Variants in SOX6 observed in about 807,000 individuals in gnomAD.
SOX6 encodes SRY-box transcription factor 6.
A neutral mutation model predicts 97.8 loss-of-function variants in SOX6; 11 were observed. The observed-to-expected ratio is 0.11, with a 90% confidence interval of 0.07 to 0.19. The LOEUF is 0.19. Among genes scored for constraint, SOX6 ranks in the 10% least tolerant of loss-of-function variants. SOX6 has a pLI of 1.00. For missense variants in SOX6, 810 were observed against 1,039.5 expected, an observed-to-expected ratio of 0.78 and a Z score of 3.04; for synonymous variants, 360 against 371.4, an observed-to-expected ratio of 0.97 and a Z score of 0.35.
At chr11:16,081,634 C>T (rs1848474841) in intron 9 of SOX6, among the ~76,000 whole-genome samples, 1 of 152,132 alleles carries the variant, frequency 6.6e-6, no homozygotes, top group African/African-American at 2.4e-5. Context: ...GTTTTTATGC[C>T]TGTTGTGGGT....
At chr11:16,476,233 C>G (rs145016499) in intron 1 of SOX6, 1 of 152,116 alleles carries the variant, frequency 6.6e-6, no homozygotes, top group Non-Finnish European at 1.5e-5. Flanking sequence ...AAAATTCACA[C>G]GCACTAGGAG....
chr11:16,199,065 C>G (rs1851864472), intron 4 of SOX6, among the ~76,000 whole-genome samples: 1 of 152,122 alleles, frequency 6.6e-6, no homozygotes, highest in Admixed American at 6.5e-5. Context: ...GAACTAATAA[C>G]CAACTCTAAA....
At chr11:16,675,832 A>G (rs1847880246) in intron 3 of SOX6, among the ~76,000 whole-genome samples, 1 of 152,200 alleles carries the variant, frequency 6.6e-6, no homozygotes, top group Non-Finnish European at 1.5e-5. Flanking sequence ...GCTCTCTTGT[A>G]CATAAGTCAC....
chr11:16,318,572 G>A lies in SOX6; in HGVS notation c.319C>T (p.Arg107Trp), dbSNP rs760064805. ...ACACTGGTCATTATCTCACGGTCCC[G>A]ACTCCCTTCGTCAGGCTTATGTGGT... ...TSPHKPDEGS[R>W]DREIMTSVTF... is the part of the protein sequence containing the mutation. The change falls in exon 3 of 16, where the codon CGG becomes TGG. Residue 107 changes from arginine to tryptophan, a missense_variant. Arg to Trp is a moderately radical substitution (Grantham distance 101). Coordinates refer to ENST00000683767, the MANE Select transcript of SOX6 (RefSeq NM_001367873.1). The A allele has an allele frequency of 3.7e-6, 6 of 1,613,554 alleles. No homozygotes were observed. The highest frequency in any genetic ancestry group is 3.3e-5 in the Admixed American group (2 of 59,928).
At position 16,046,584 on chromosome 11, in the gene SOX6, T is replaced by C. The variant is rs769151166; in HGVS notation, c.1553A>G (p.Gln518Arg). ...CAGTTTCCCGTCAACACCATGTGGC[T>C]GTTGCTGCTGTTGCTCCCGCTGGAT... ...EQIQREQQQQ[Q>R]PHGVDGKLSS... The change falls in exon 12 of 16, where the codon CAG becomes CGG. Residue 518 changes from glutamine (Q) to arginine (R), a missense_variant. Physicochemically the swap from Gln to Arg is conservative, Grantham distance 43. Around this residue, in one of 9 missense-constraint regions of SOX6, gnomAD observed 120 missense variants for 127.0 expected, o/e 0.94. Coordinates refer to ENST00000683767, the MANE Select transcript of SOX6 (RefSeq NM_001367873.1). 1.6e-5 allele frequency: 26 copies of C among 1,613,770 alleles called. No individual in the cohort carries two copies. In the South Asian group the frequency reaches 2.9e-4, roughly 18 times the overall value.
intron 2 of SOX6, among the ~76,000 whole-genome samples, chr11:16,338,861 C>T (rs370260549): frequency 6.6e-6 from 1 of 151,812 alleles, no homozygotes; most frequent in African/African-American, 2.4e-5. Context: ...AATTTTAGAT[C>T]ATAAAAGTTT....
chr11:16,223,444 C>T (rs1852600403), intron 4 of SOX6, among the ~76,000 whole-genome samples: 1 of 152,098 alleles, frequency 6.6e-6, no homozygotes, highest in African/African-American at 2.4e-5. Flanking sequence ...ACACATTTCA[C>T]TCTCAGATTC....
intron 1 of SOX6, among the ~76,000 whole-genome samples, chr11:16,452,489 T>A (rs1859736968): frequency 1.3e-5 from 2 of 152,226 alleles, no homozygotes. Context: ...AGAAGAATAT[T>A]CTTATCAGGA....
chr11:16,187,608 G>A (rs530039803), intron 4 of SOX6, among the ~76,000 whole-genome samples: 31 of 152,056 alleles, frequency 2.0e-4, no homozygotes, highest in Admixed American at 6.6e-4. Flanking sequence ...CAACAGTGTT[G>A]CTTGGGGGGC....
chr11:16,634,651 A>G (rs1333121316), intron 3 of SOX6, among the ~76,000 whole-genome samples: 2 of 152,258 alleles, frequency 1.3e-5, no homozygotes, highest in Admixed American at 1.3e-4. Context: ...AGTAGCTTAC[A>G]TTTTTCTAGA....
At chr11:16,634,177 G>T (rs1236440819) in intron 3 of SOX6, among the ~76,000 whole-genome samples, 2 of 151,788 alleles carry the variant, frequency 1.3e-5, no homozygotes, top group African/African-American at 4.8e-5. Flanking sequence ...AGAGAAATAG[G>T]AAATACAAAA....
chr11:16,179,418 T>C lies in SOX6; in HGVS notation c.777+4468A>G, dbSNP rs1017509412. ...ACTGTATATGAAAGATAATCATATATGCTTAAGAACAGAGTACAACTTCAG... is the reference window on the plus strand; with the variant it reads ...ACTGTATATGAAAGATAATCATATACGCTTAAGAACAGAGTACAACTTCAG... On this transcript the variant is annotated intron_variant, in intron 6 of 15. Coordinates refer to ENST00000683767, the MANE Select transcript of SOX6 (RefSeq NM_001367873.1). Among the ~76,000 whole-genome samples, 3 of 152,034 alleles carry C rather than the reference T, an allele frequency of 2.0e-5. No homozygotes were observed. The East Asian group carries it at 5.8e-4, about 29-fold the overall frequency.
At chr11:16,717,870 T>C (rs1848229810) in intron 2 of SOX6, among the ~76,000 whole-genome samples, 1 of 152,042 alleles carries the variant, frequency 6.6e-6, no homozygotes, top group African/African-American at 2.4e-5. Flanking sequence ...TTTGTTCTTT[T>C]TTTTTTTTAA....
At chr11:16,449,071 C>T (rs1859666112) in intron 1 of SOX6, among the ~76,000 whole-genome samples, 1 of 151,998 alleles carries the variant, frequency 6.6e-6, no homozygotes, top group Non-Finnish European at 1.5e-5. Context: ...TATTTCAAAA[C>T]TATTCTGGTA....
chr11:16,413,218 C>T (rs1034546474), intron 1 of SOX6, among the ~76,000 whole-genome samples: 5 of 152,170 alleles, frequency 3.3e-5, no homozygotes, highest in Non-Finnish European at 7.4e-5. Context: ...ACGAATCTAG[C>T]AATTCTTAAG....
chr11:16,638,911 C>T (rs1174612975), intron 3 of SOX6, among the ~76,000 whole-genome samples: 1 of 152,144 alleles, frequency 6.6e-6, no homozygotes, highest in Non-Finnish European at 1.5e-5. Context: ...TGTGCAGAAG[C>T]TCTTTAGTTT....
intron 4 of SOX6, among the ~76,000 whole-genome samples, chr11:16,211,349 G>T (rs1272060176): frequency 1.3e-5 from 2 of 151,962 alleles, no homozygotes. Context: ...GAGAAAGCAG[G>T]GATTTAAGCT....
At chr11:16,210,897 C>G (rs892657060) in intron 4 of SOX6, among the ~76,000 whole-genome samples, 1 of 152,084 alleles carries the variant, frequency 6.6e-6, no homozygotes, top group African/African-American at 2.4e-5. Context: ...AAGAAAACAG[C>G]TGAGTAGGTG....
intron 1 of SOX6, among the ~76,000 whole-genome samples, chr11:16,435,559 G>T (rs993088282): frequency 6.6e-6 from 1 of 152,046 alleles, no homozygotes; most frequent in African/African-American, 2.4e-5. Flanking sequence ...GCAAAAAAAA[G>T]ATTCCCTACA....
Sources: gnomAD v4.1 joint callset for allele counts (sites outside exome capture counted in the v4.1 genomes callset) on GRCh38, gnomAD v4.1.1 for gene constraint, gnomAD v4.1.1 regional missense constraint, MANE v1.5 for transcripts, NCBI Gene and HGNC (gene_info 2026-07-23, HGNC 2026-07-21) for gene names.